BRI3BP: variants seen among roughly 807,000 people sequenced by gnomAD.
BRI3BP encodes the protein BRI3 binding protein.
BRI3BP carries 7 observed loss-of-function variants against 15.8 expected under a neutral mutation model. That is an observed-to-expected ratio of 0.44 (90% CI 0.25 to 0.83). The LOEUF (loss-of-function observed/expected upper bound fraction) is 0.83. BRI3BP is among the 40% of genes least tolerant of loss of function. The pLI is 0.20. For missense variants in BRI3BP, 320 were observed against 339.3 expected, an observed-to-expected ratio of 0.94 and a Z score of 0.45; for synonymous variants, 192 against 163.5, an observed-to-expected ratio of 1.17 and a Z score of -1.33.
rs1233031491 is a variant in BRI3BP at position 125,025,634 on chromosome 12, C to T, written c.*204C>T. The T allele has an allele frequency of 1.1e-5, 6 of 560,072 alleles. No individual in the cohort carries two copies. Among genetic ancestry groups the T allele is most frequent in the African/African-American group, 3.7e-5 (2 of 53,560 alleles). The allele number at this position is 560,072 out of a possible 1,614,324, so 34.7% of individuals were successfully genotyped here. On this transcript the variant is annotated 3_prime_UTR_variant, in exon 3 of 3. Transcript: ENST00000341446. ...GAAAGATCATTGACGTGGAACTACA[C>T]ACGAAGTGTAATTAGTGGGGGAAAA...
the BRI3BP span, among the ~76,000 whole-genome samples, chr12:125,041,945 T>A: frequency 1.3e-5 from 2 of 152,286 alleles, no homozygotes; most frequent in African/African-American, 4.8e-5. Context: ...CCTCCTGCCT[T>A]GACCTCGCAA....
chr12:125,024,486 C>G (rs1280147367), intron 2 of BRI3BP, among the ~76,000 whole-genome samples: 5 of 152,004 alleles, frequency 3.3e-5, no homozygotes, highest in African/African-American at 1.2e-4. Context: ...TTTTAAAACT[C>G]AACATGGCAG....
At chr12:125,001,215 C>T (rs964250288) in intron 1 of BRI3BP, among the ~76,000 whole-genome samples, 7 of 150,706 alleles carry the variant, frequency 4.6e-5, no homozygotes, top group Non-Finnish European at 8.9e-5. Context: ...CCATCACGCC[C>T]GGCTAATTTT....
intron 1 of BRI3BP, among the ~76,000 whole-genome samples, chr12:125,001,628 G>A (rs955783481): frequency 1.3e-5 from 2 of 152,122 alleles, no homozygotes; most frequent in Admixed American, 1.3e-4. Flanking sequence ...CTCCCGCCTT[G>A]GCCTCCCAAA....
chr12:124,995,234 C>A (rs533512850), intron 1 of BRI3BP, among the ~76,000 whole-genome samples: 6 of 152,292 alleles, frequency 3.9e-5, no homozygotes, highest in African/African-American at 1.4e-4. Flanking sequence ...GGAGAGAACG[C>A]TTTGTAGGTG....
At chr12:125,049,834 T>A in the BRI3BP span, among the ~76,000 whole-genome samples, 1 of 144,394 alleles carries the variant, frequency 6.9e-6, no homozygotes, top group Non-Finnish European at 1.5e-5. Flanking sequence ...GTGTCCGGGA[T>A]CCCTCCGCCG....
rs536683878 is a variant in BRI3BP, at chr12:125,017,129, C to T, written c.316+4493C>T. Among the ~76,000 whole-genome samples the T allele has an allele frequency of 5.5e-4, 83 of 151,870 alleles. 1 individual carries two copies. Among genetic ancestry groups the T allele is most frequent in the African/African-American group, 2.0e-3 (81 of 41,412 alleles). ...CCACCTCCCGGGTTCAAGCAATTCT[C>T]GTGCCTCAGTCTCCCGAGTAGCTGG... On this transcript the variant is annotated intron_variant, in intron 2 of 2. Coordinates refer to ENST00000341446, the MANE Select transcript of BRI3BP (RefSeq NM_080626.6).
chr12:125,041,756 G>A, the BRI3BP span, among the ~76,000 whole-genome samples: 1 of 152,204 alleles, frequency 6.6e-6, no homozygotes, highest in African/African-American at 2.4e-5. Flanking sequence ...GTGTGCAGTG[G>A]CATGATCATG....
At chr12:125,015,365 C>T (rs529006615) in intron 2 of BRI3BP, among the ~76,000 whole-genome samples, 107 of 152,098 alleles carry the variant, frequency 7.0e-4, no homozygotes, top group Admixed American at 1.4e-3. Context: ...ACTGGAGGGA[C>T]GGAGCCACAA....
intron 1 of BRI3BP, among the ~76,000 whole-genome samples, chr12:125,002,516 G>A (rs1955103989): frequency 6.6e-6 from 1 of 151,114 alleles, no homozygotes; most frequent in Non-Finnish European, 1.5e-5. Flanking sequence ...GAGTGCAGTG[G>A]CACAATCTCT....
At position 125,027,338 on chromosome 12, in the gene BRI3BP, C is replaced by T. The variant is rs1054547064; in HGVS notation, c.*1908C>T. ...CACTTCCTGAAACGTGCACCTGTTT[C>T]AGGTGCATGTTTATTCAGTGTGCAT... On this transcript the variant is annotated 3_prime_UTR_variant, in exon 3 of 3. Coordinates refer to ENST00000341446, the MANE Select transcript of BRI3BP (RefSeq NM_080626.6). The T allele has an allele frequency of 6.6e-6, 1 of 152,088 alleles. No individual in the cohort carries two copies. Among genetic ancestry groups the T allele is most frequent in the African/African-American group, 2.4e-5 (1 of 41,424 alleles). 9.4% of individuals were successfully genotyped at this position (152,088 alleles called of 1,614,324 possible).
intron 2 of BRI3BP, among the ~76,000 whole-genome samples, chr12:125,016,619 G>A (rs1358545520): frequency 3.3e-5 from 5 of 151,800 alleles, no homozygotes; most frequent in Admixed American, 2.0e-4. Flanking sequence ...TCTGCCTCCT[G>A]GGTTCAAGTG....
At chr12:125,016,317 G>T (rs887859146) in intron 2 of BRI3BP, among the ~76,000 whole-genome samples, 2 of 149,984 alleles carry the variant, frequency 1.3e-5, no homozygotes, top group Non-Finnish European at 3.0e-5. Flanking sequence ...GGTAAAAAAG[G>T]TTTCTGTGAG....
intron 2 of BRI3BP, among the ~76,000 whole-genome samples, chr12:125,020,103 C>G (rs1380846917): frequency 6.6e-6 from 1 of 151,542 alleles, no homozygotes; most frequent in Non-Finnish European, 1.5e-5. Flanking sequence ...ACCACTATGC[C>G]CGGCTAATTT....
the BRI3BP span, among the ~76,000 whole-genome samples, chr12:125,047,310 G>A: frequency 1.3e-5 from 2 of 151,642 alleles, no homozygotes; most frequent in African/African-American, 4.8e-5. Context: ...CACCACGCCC[G>A]GCTAATTTTT....
chr12:125,033,796 G>A (rs1376619605), downstream of BRI3BP, among the ~76,000 whole-genome samples: 3 of 150,144 alleles, frequency 2.0e-5, no homozygotes, highest in African/African-American at 7.4e-5. Flanking sequence ...AGGCTAGTGT[G>A]CAGTGGTGAG....
At chr12:124,994,614 G>T (rs532343715) in intron 1 of BRI3BP, among the ~76,000 whole-genome samples, 19 of 152,302 alleles carry the variant, frequency 1.2e-4, no homozygotes, top group African/African-American at 4.6e-4. Flanking sequence ...GGAGGTCCCG[G>T]ATCCTGCAGC....
rs1166059575 is a variant in BRI3BP at position 125,025,114 on chromosome 12, T to C, written c.440T>C (p.Phe147Ser). 1 of 1,614,084 alleles carries C rather than the reference T, an allele frequency of 6.2e-7. No homozygotes were observed. Among genetic ancestry groups the C allele is most frequent in the Admixed American group, 1.7e-5 (1 of 60,018 alleles). The change falls in exon 3 of 3, where the codon TTC becomes TCC. Residue 147 changes from phenylalanine (F) to serine (S), a missense_variant. Coordinates refer to ENST00000341446, the MANE Select transcript of BRI3BP (RefSeq NM_080626.6). The stretch of plus-strand genomic sequence containing the variant: ...TTGTCCCTGACCCTGGGCTTCACTT[T>C]CAGCGTCCTGCACGTGGTGTTCGGC... ...WFLSLTLGFT[F>S]SVLHVVFGRF...
chr12:125,049,128 A>AT, the BRI3BP span, among the ~76,000 whole-genome samples: 2 of 151,830 alleles, frequency 1.3e-5, no homozygotes, highest in African/African-American at 4.8e-5. Flanking sequence ...CGCCTGGCTA[A>AT]TTTTTTGTAT....
Sources: allele counts gnomAD v4.1 joint callset (sites outside exome capture counted in the v4.1 genomes callset), GRCh38; gene constraint gnomAD v4.1.1; transcripts MANE v1.5; gene names NCBI Gene and HGNC (gene_info 2026-07-23, HGNC 2026-07-21).